The following SLC36A1 variants were observed in gnomAD, a reference collection of about 807,000 sequenced individuals.
The protein encoded by SLC36A1 is proton-coupled amino acid transporter 1.
SLC36A1 carries 30 observed loss-of-function variants against 47.5 expected under a neutral mutation model. The observed-to-expected ratio is 0.63, with a 90% CI of 0.47 to 0.86. The LOEUF (loss-of-function observed/expected upper bound fraction) is 0.86. SLC36A1 is among the 40% of genes least tolerant of loss of function. The pLI, the probability that SLC36A1 is intolerant of heterozygous loss-of-function variation, is 0.00. For missense variants in SLC36A1, 517 were observed against 606.0 expected (o/e 0.85, Z 1.54); for synonymous variants, 255 against 249.7 (o/e 1.02, Z -0.20).
chr5:151,537,443 G>GAAA, the SLC36A1 span, among the ~76,000 whole-genome samples: 3 of 26,616 alleles, frequency 1.1e-4, no homozygotes, highest in South Asian at 6.5e-4. Context: ...GAAAGGAGAG[G>GAAA]GGAGGGGAGG....
chr5:151,374,399 G>T, the SLC36A1 span, among the ~76,000 whole-genome samples: 7 of 152,072 alleles, frequency 4.6e-5, no homozygotes, highest in African/African-American at 1.7e-4. Context: ...GGTTCGAACC[G>T]ATACAAGAAC....
the SLC36A1 span, among the ~76,000 whole-genome samples, chr5:151,406,933 C>T: frequency 2.0e-5 from 3 of 152,086 alleles, no homozygotes; most frequent in Non-Finnish European, 2.9e-5. Flanking sequence ...CAGATGTGTC[C>T]GGAGTTTCTT....
chr5:151,344,645 G>T, the SLC36A1 span, among the ~76,000 whole-genome samples: 1 of 152,160 alleles, frequency 6.6e-6, no homozygotes, highest in Non-Finnish European at 1.5e-5. Context: ...ATATATTGGG[G>T]AGCCAAGATT....
the SLC36A1 span, among the ~76,000 whole-genome samples, chr5:151,422,729 AAAT>A: frequency 1.3e-5 from 2 of 151,814 alleles, no homozygotes; most frequent in African/African-American, 4.8e-5. Context: ...CTCCATCTAA[AAAT>A]AATAATAATA....
the SLC36A1 span, chr5:151,509,814 G>C: frequency 1.7e-6 from 1 of 581,588 alleles, no homozygotes; most frequent in Non-Finnish European, 3.1e-6. Flanking sequence ...CGTTTCTCCT[G>C]CCTGGTCCGT....
chr5:151,484,743 G>A (rs145897588), intron 10 of SLC36A1, among the ~76,000 whole-genome samples: 3 of 152,284 alleles, frequency 2.0e-5, no homozygotes, highest in African/African-American at 7.2e-5. Context: ...GAGTGATATC[G>A]TTTGACCATC....
chr5:151,377,126 G>A, the SLC36A1 span, among the ~76,000 whole-genome samples: 5 of 152,180 alleles, frequency 3.3e-5, no homozygotes, highest in East Asian at 9.7e-4. Flanking sequence ...ACTGATTTGT[G>A]GACTAACATA....
chr5:151,552,348 T>A, the SLC36A1 span, among the ~76,000 whole-genome samples: 1 of 152,024 alleles, frequency 6.6e-6, no homozygotes. Context: ...AGAAAAAAAG[T>A]CAAACAAAAC....
chr5:151,540,609 G>T, the SLC36A1 span: 1 of 1,614,092 alleles, frequency 6.2e-7, no homozygotes, highest in Non-Finnish European at 8.5e-7. Flanking sequence ...CCAGGACAAA[G>T]ATCTCCACAG....
At chr5:151,373,901 GTTC>G in the SLC36A1 span, among the ~76,000 whole-genome samples, 10 of 152,116 alleles carry the variant, frequency 6.6e-5, no homozygotes, top group Non-Finnish European at 1.5e-4. Context: ...TGCTCAGCCT[GTTC>G]TTCTTTATTT....
In SLC36A1 at chr5:151,468,402, A is replaced by G. The variant is rs184334205; in HGVS notation, c.723+477A>G. Among the ~76,000 whole-genome samples, 59 of 144,616 alleles carry G rather than the reference A, an allele frequency of 4.1e-4. 1 individual carries two copies. Among genetic ancestry groups the G allele is most frequent in the Middle Eastern group, 3.6e-3 (1 of 278 alleles). The allele number at this position is 144,616 out of a possible 152,430, so 94.9% of individuals were successfully genotyped here. ...TATATATTATGTACATGCATAATATATATTATATAATGTATGTAATATTTA... is the reference window on the plus strand; with the variant it reads ...TATATATTATGTACATGCATAATATGTATTATATAATGTATGTAATATTTA... On this transcript the variant is annotated intron_variant, in intron 7 of 10. Coordinates refer to ENST00000243389, the MANE Select transcript of SLC36A1 (RefSeq NM_078483.4).
the SLC36A1 span, chr5:151,525,817 G>A: frequency 6.2e-7 from 1 of 1,614,102 alleles, no homozygotes; most frequent in Non-Finnish European, 8.5e-7. Context: ...TAGGCCCTCA[G>A]CAGTCACCAG....
the SLC36A1 span, chr5:151,521,716 G>A: frequency 6.2e-7 from 1 of 1,613,978 alleles, no homozygotes; most frequent in East Asian, 2.2e-5. Flanking sequence ...CTGCTGCAGA[G>A]CCTCCTGCCC....
At chr5:151,494,144 A>G (rs1035627690), downstream of SLC36A1, among the ~76,000 whole-genome samples, 2 of 152,174 alleles carry the variant, frequency 1.3e-5, no homozygotes, top group Admixed American at 1.3e-4. Flanking sequence ...AACCTGAGTG[A>G]CAGTGGACTG....
the SLC36A1 span, among the ~76,000 whole-genome samples, chr5:151,386,235 G>A: frequency 7.9e-5 from 12 of 152,020 alleles, no homozygotes; most frequent in African/African-American, 2.9e-4. Flanking sequence ...TCCCCTACTG[G>A]CTGTTCACCA....
upstream of SLC36A1, chr5:151,437,055 C>T (rs1238861434): frequency 6.6e-6 from 1 of 152,350 alleles, no homozygotes; most frequent in East Asian, 1.9e-4. Flanking sequence ...CAGAGCTCTT[C>T]ATCCGCCTGG....
chr5:151,386,602 G>A, the SLC36A1 span, among the ~76,000 whole-genome samples: 1 of 152,020 alleles, frequency 6.6e-6, no homozygotes, highest in African/African-American at 2.4e-5. Context: ...GGGTGTCTTG[G>A]TGGCACTGTC....
Position 151,458,932 on chromosome 5 carries a change from C to T in SLC36A1, c.140C>T (p.Thr47Ile). 1 of 1,609,234 alleles carries T rather than the reference C, an allele frequency of 6.2e-7. No homozygotes were observed. The highest frequency in any genetic ancestry group is 1.1e-5 in the South Asian group (1 of 90,926). The change falls in exon 2 of 11, where the codon ACA (threonine) becomes ATA (isoleucine). Residue 47 changes from threonine (T) to isoleucine (I), a missense_variant. By Grantham distance (89) the Thr-to-Ile change is moderately conservative (BLOSUM62 -1). Transcript: ENST00000243389. The stretch of plus-strand genomic sequence containing the variant: ...CAGCGCTTTGGTCAAAGCAATAGCA[C>T]AACGTGAGTAGCTGTTACCTTCTCC... The part of the protein sequence containing the change: ...SYQRFGQSNS[T>I]TWFQTLIHLL...
chr5:151,520,622 T>TC, the SLC36A1 span, among the ~76,000 whole-genome samples: 5 of 152,102 alleles, frequency 3.3e-5, no homozygotes, highest in African/African-American at 4.8e-5. Context: ...TTACGTAATT[T>TC]CCCCCCCGAA....
Sources: gnomAD v4.1 joint callset for allele counts (sites outside exome capture counted in the v4.1 genomes callset) on GRCh38, gnomAD v4.1.1 for gene constraint, MANE v1.5 for transcripts, NCBI Gene and HGNC (gene_info 2026-07-23, HGNC 2026-07-21) for gene names.